Variants in TNFRSF10B observed in about 807,000 individuals in gnomAD.
TNFRSF10B encodes tumor necrosis factor receptor superfamily member 10B.
TNFRSF10B carries 35 observed loss-of-function variants against 41.4 expected under a neutral mutation model. The ratio of observed to expected loss-of-function variants is 0.85; its 90% confidence interval spans 0.65 to 1.12. The LOEUF (loss-of-function observed/expected upper bound fraction) is 1.12, where lower values mean the gene tolerates loss of function less well. Ranked by LOEUF, TNFRSF10B falls within the 50% of genes most tolerant of loss-of-function variation. The pLI, the probability that TNFRSF10B is intolerant of heterozygous loss-of-function variation, is 0.00. For missense variants in TNFRSF10B, 584 were observed against 552.7 expected (o/e 1.06, Z -0.57); for synonymous variants, 230 against 215.5 (o/e 1.07, Z -0.59).
chr8:23,050,243 G>T (rs544862523), intron 1 of TNFRSF10B, among the ~76,000 whole-genome samples: 6 of 152,270 alleles, frequency 3.9e-5, no homozygotes, highest in African/African-American at 1.4e-4. Context: ...TTGAGAGTCT[G>T]TTTTGCCGTA....
chr8:23,053,927 C>T (rs1812591857), intron 1 of TNFRSF10B, among the ~76,000 whole-genome samples: 2 of 152,088 alleles, frequency 1.3e-5, no homozygotes, highest in Admixed American at 6.5e-5. Context: ...TCTGATATAT[C>T]TTAGTGTATG....
intron 5 of TNFRSF10B, 42 bp from the exon 6 acceptor site, chr8:23,027,795 A>G: frequency 6.2e-7 from 1 of 1,613,334 alleles, no homozygotes; most frequent in Non-Finnish European, 8.5e-7. Flanking sequence ...GGAGGGGCCC[A>G]TGAAGCACCC....
chr8:23,041,393 G>A (rs540778369), intron 2 of TNFRSF10B, among the ~76,000 whole-genome samples: 9 of 151,988 alleles, frequency 5.9e-5, no homozygotes, highest in South Asian at 2.1e-4. Flanking sequence ...TGGACCCAGC[G>A]CAGTGGCTCA....
chr8:23,027,158 G>T lies in TNFRSF10B; in HGVS notation c.911C>A (p.Ser304Tyr). 1.9e-6 allele frequency: 3 copies of T among 1,614,158 alleles called. No homozygotes were observed. The highest frequency in any genetic ancestry group is 2.5e-6 in the Non-Finnish European group (3 of 1,180,038). Residue 304 changes from serine to tyrosine, a missense_variant, in exon 7 of 9, where the codon TCC becomes TAC. By Grantham distance (144) the Ser-to-Tyr change is moderately radical. Coordinates refer to ENST00000276431, the MANE Select transcript of TNFRSF10B (RefSeq NM_003842.5). The part of the protein sequence containing the change: ...PAEPTGVNML[S>Y]PGESEHLLEP... ...CAGCAGATGCTCTGACTCCCCGGGGGACAACATGTTGACACCTGTTGGCTC... is the reference window on the plus strand; with the variant it reads ...CAGCAGATGCTCTGACTCCCCGGGGTACAACATGTTGACACCTGTTGGCTC...
At chr8:23,055,440 G>C (rs1812636036) in intron 1 of TNFRSF10B, among the ~76,000 whole-genome samples, 1 of 150,644 alleles carries the variant, frequency 6.6e-6, no homozygotes, top group Non-Finnish European at 1.5e-5. Context: ...GGGGATTGTA[G>C]CAGGCCAGGT....
At chr8:23,032,592 T>G (rs2128812820) in intron 2 of TNFRSF10B, among the ~76,000 whole-genome samples, 2 of 152,336 alleles carry the variant, frequency 1.3e-5, no homozygotes, top group Middle Eastern at 3.4e-3. Flanking sequence ...GGGATTTCAT[T>G]GAATCTGTAT....
At chr8:23,030,080 C>G (rs927349187) in intron 3 of TNFRSF10B, among the ~76,000 whole-genome samples, 1 of 152,144 alleles carries the variant, frequency 6.6e-6, no homozygotes, top group Non-Finnish European at 1.5e-5. Context: ...CAAGGCCCAG[C>G]CTGCTGGGGA....
intron 1 of TNFRSF10B, chr8:23,068,484 G>A: frequency 1.8e-6 from 1 of 559,820 alleles, no homozygotes; most frequent in East Asian, 3.1e-5. Flanking sequence ...GCTTACTCGG[G>A]AATTCCCTCC....
chr8:23,055,905 G>A (rs1812648802), intron 1 of TNFRSF10B, among the ~76,000 whole-genome samples: 1 of 152,186 alleles, frequency 6.6e-6, no homozygotes, highest in Non-Finnish European at 1.5e-5. Context: ...ACACTTACAT[G>A]TAGACATATA....
intron 1 of TNFRSF10B, among the ~76,000 whole-genome samples, chr8:23,060,441 T>C (rs1197448662): frequency 6.6e-6 from 1 of 152,192 alleles, no homozygotes; most frequent in African/African-American, 2.4e-5. Context: ...TGAAAAATAA[T>C]TTGGCCATAT....
chr8:23,021,229 T>C lies in TNFRSF10B; in HGVS notation c.*1442A>G, dbSNP rs192781747. On this transcript the variant is annotated 3_prime_UTR_variant, in exon 9 of 9. Coordinates refer to ENST00000276431, the MANE Select transcript of TNFRSF10B (RefSeq NM_003842.5). ...ACAGGACACAAGAAGAAAACCTTAA[T>C]GCGTCAGCCATTCTAGGTCCTGTTG... The C allele has an allele frequency of 1.6e-3, 712 of 454,138 alleles. 4 individuals carry two copies. The highest frequency in any genetic ancestry group is 1.9e-3 in the Non-Finnish European group (425 of 226,782). 28.1% of individuals were successfully genotyped at this position (454,138 alleles called of 1,614,324 possible).
intron 1 of TNFRSF10B, among the ~76,000 whole-genome samples, chr8:23,055,006 T>C (rs1812623733): frequency 6.6e-6 from 1 of 152,242 alleles, no homozygotes; most frequent in African/African-American, 2.4e-5. Flanking sequence ...TCAAAAATTA[T>C]AGTTACACCT....
intron 1 of TNFRSF10B, among the ~76,000 whole-genome samples, chr8:23,047,282 A>G (rs1207007281): frequency 2.7e-5 from 4 of 150,540 alleles, no homozygotes; most frequent in African/African-American, 9.7e-5. Context: ...ACTTGAACCC[A>G]GGAGGTGGAG....
intron 3 of TNFRSF10B, 62 bp downstream of exon 3, chr8:23,030,697 T>C: frequency 7.6e-7 from 1 of 1,316,270 alleles, no homozygotes; most frequent in African/African-American, 1.4e-5. Context: ...CCATTTTAGC[T>C]ACAACTTTTA....
At chr8:23,045,578 C>T (rs1404884662) in intron 1 of TNFRSF10B, among the ~76,000 whole-genome samples, 1 of 152,174 alleles carries the variant, frequency 6.6e-6, no homozygotes, top group African/African-American at 2.4e-5. Flanking sequence ...TACTTCCAAA[C>T]TTATTTTACA....
At chr8:23,042,915 C>T in intron 2 of TNFRSF10B, 1 of 519,280 alleles carries the variant, frequency 1.9e-6, no homozygotes, top group East Asian at 3.3e-5. Context: ...CTGTCCCACT[C>T]AATTCTCTCT....
rs1563307572 is a variant in TNFRSF10B at position 23,028,443 on chromosome 8, T to G, written c.636A>C (p.Ser212=). 1.2e-6 allele frequency: 2 copies of G among 1,614,118 alleles called. No individual in the cohort carries two copies. Among genetic ancestry groups the G allele is most frequent in the Admixed American group, 3.3e-5 (2 of 60,020 alleles). The part of the protein sequence containing the change: ...PGTPASPCSL[S]GIIIGVTVAA... ...CAACTGTGACTCCTATGATGATGCC[T>G]GAGAGAGAACAGGGAGAGGCAGGAG... is the stretch of plus-strand genomic sequence containing the variant. Residue 212 remains serine, a synonymous_variant, in exon 5 of 9, where the codon TCA becomes TCC. Transcript: ENST00000276431.
chr8:23,060,728 G>C (rs578020512), intron 1 of TNFRSF10B, among the ~76,000 whole-genome samples: 1 of 152,210 alleles, frequency 6.6e-6, no homozygotes, highest in South Asian at 2.1e-4. Flanking sequence ...ATCACTTTAG[G>C]AAATGTTGAC....
intron 1 of TNFRSF10B, among the ~76,000 whole-genome samples, chr8:23,058,979 T>C (rs1036741238): frequency 6.6e-6 from 1 of 152,232 alleles, no homozygotes; most frequent in Admixed American, 6.5e-5. Flanking sequence ...ATCACAACTA[T>C]CCATCCTCAG....
Sources: gnomAD v4.1 joint callset for allele counts (sites outside exome capture counted in the v4.1 genomes callset) on GRCh38, gnomAD v4.1.1 for gene constraint, MANE v1.5 for transcripts, NCBI Gene and HGNC (gene_info 2026-07-23, HGNC 2026-07-21) for gene names.